The following PRSS12 variants were observed in gnomAD, a reference collection of about 807,000 sequenced individuals.
The protein encoded by PRSS12 is neurotrypsin.
PRSS12 carries 85 observed loss-of-function variants against 104.4 expected under a neutral mutation model. That is an observed-to-expected ratio of 0.81 (90% CI 0.68 to 0.98). The LOEUF (loss-of-function observed/expected upper bound fraction) is 0.98, where lower values mean the gene tolerates loss of function less well. Among genes scored for constraint, PRSS12 ranks in the 50% least tolerant of loss-of-function variants. The pLI is 0.00. For missense variants in PRSS12, 1,141 were observed against 1,139.2 expected (o/e 1.00, Z -0.02); for synonymous variants, 454 against 425.2 (o/e 1.07, Z -0.83).
At position 118,315,312 on chromosome 4, in the gene PRSS12, T is replaced by C. The variant is rs564659510; in HGVS notation, c.1292+870A>G. Among the ~76,000 whole-genome samples the C allele has an allele frequency of 8.5e-5, 13 of 152,194 alleles. No homozygotes were observed. The South Asian group carries it at 1.5e-3, about 17-fold the overall frequency. On this transcript the variant is annotated intron_variant, in intron 6 of 12. Coordinates refer to ENST00000296498, the MANE Select transcript of PRSS12 (RefSeq NM_003619.4). The stretch of plus-strand genomic sequence containing the variant: ...ATAATGATAGCATAAGGATAAAAAA[T>C]TATGGAGTTTTTTATTTTCATCATT...
intron 11 of PRSS12, among the ~76,000 whole-genome samples, chr4:118,287,284 C>T (rs1743035951): frequency 6.6e-6 from 1 of 152,088 alleles, no homozygotes. Flanking sequence ...CAGCCGGGAC[C>T]ACAAGTGCAT....
At chr4:118,292,192 T>A (rs192834835) in intron 11 of PRSS12, among the ~76,000 whole-genome samples, 34 of 152,282 alleles carry the variant, frequency 2.2e-4, no homozygotes, top group Non-Finnish European at 1.2e-4. Context: ...AAAAATATAA[T>A]CAATTTACCA....
intron 4 of PRSS12, among the ~76,000 whole-genome samples, chr4:118,324,143 G>T (rs557751549): frequency 6.6e-6 from 1 of 151,884 alleles, no homozygotes. Flanking sequence ...CAAGCAATCT[G>T]CCCACCTCAG....
In PRSS12 at chr4:118,280,973, C is replaced by A. The variant is rs1742831824; in HGVS notation, c.*963G>T. ...ATGCAGTGCCTGGCATATGTTATAA[C>A]TGCTGTATGTATTAGAACTTTTCAA... is the stretch of plus-strand genomic sequence containing the variant. On this transcript the variant is annotated 3_prime_UTR_variant, in exon 13 of 13. Coordinates refer to ENST00000296498, the MANE Select transcript of PRSS12 (RefSeq NM_003619.4). 6.6e-6 allele frequency: 1 copy of A among 152,206 alleles called. No individual in the cohort carries two copies. The highest frequency in any genetic ancestry group is 2.4e-5 in the African/African-American group (1 of 41,444). The allele number at this position is 152,206 out of a possible 1,614,324, so 9.4% of individuals were successfully genotyped here.
At chr4:118,319,817 A>G (rs927362750) in intron 4 of PRSS12, among the ~76,000 whole-genome samples, 2 of 152,030 alleles carry the variant, frequency 1.3e-5, no homozygotes, top group Admixed American at 6.6e-5. Flanking sequence ...ATCTGGGACT[A>G]TAAGTGCATA....
intron 4 of PRSS12, among the ~76,000 whole-genome samples, chr4:118,330,709 A>C (rs780701970): frequency 1.6e-4 from 24 of 152,362 alleles, no homozygotes; most frequent in Non-Finnish European, 3.1e-4. Context: ...TAGTTGTGAT[A>C]ATGATAATTT....
chr4:118,292,953 T>G (rs1409002960), intron 11 of PRSS12, among the ~76,000 whole-genome samples: 1 of 151,844 alleles, frequency 6.6e-6, no homozygotes, highest in African/African-American at 2.4e-5. Flanking sequence ...GGGCAGAGGC[T>G]GCAGTAAGCC....
intron 2 of PRSS12, among the ~76,000 whole-genome samples, chr4:118,336,110 A>G (rs559828245): frequency 6.6e-6 from 1 of 152,224 alleles, no homozygotes; most frequent in Non-Finnish European, 1.5e-5. Context: ...TGACTCTAAC[A>G]TTCTAGGCTA....
chr4:118,334,191 A>T, intron 3 of PRSS12, among the ~76,000 whole-genome samples: 1 of 152,204 alleles, frequency 6.6e-6, no homozygotes, highest in East Asian at 1.9e-4. Flanking sequence ...CTTCTAATTT[A>T]TCATAACTTT....
In PRSS12 at chr4:118,320,504, C is replaced by T. The variant is rs139329037; in HGVS notation, c.972-1948G>A. On this transcript the variant is annotated intron_variant, in intron 4 of 12. Transcript: ENST00000296498. ...CAGTGGCTCACGCCTGTAATCCCAG[C>T]ACTTTGGGAAGCCAAGGTGGGTGGA... Among the ~76,000 whole-genome samples, 11 of 152,282 alleles carry T rather than the reference C, an allele frequency of 7.2e-5. No individual in the cohort carries two copies. In the East Asian group the frequency reaches 2.1e-3, roughly 29 times the overall value.
At chr4:118,314,498 C>T (rs940978790) in intron 6 of PRSS12, among the ~76,000 whole-genome samples, 1 of 152,048 alleles carries the variant, frequency 6.6e-6, no homozygotes, top group South Asian at 2.1e-4. Context: ...CATTTTTTCA[C>T]GAAATACATT....
chr4:118,342,274 T>C (rs1724234382), intron 1 of PRSS12, among the ~76,000 whole-genome samples: 1 of 152,222 alleles, frequency 6.6e-6, no homozygotes, highest in Non-Finnish European at 1.5e-5. Flanking sequence ...ATAAAGTGAT[T>C]TGCATAAATT....
chr4:118,325,446 C>A (rs944152863), intron 4 of PRSS12, among the ~76,000 whole-genome samples: 16 of 151,400 alleles, frequency 1.1e-4, no homozygotes, highest in African/African-American at 3.6e-4. Flanking sequence ...GCAGAATAAA[C>A]TTGAGAACAA....
chr4:118,283,871 T>A (rs1419071461), intron 11 of PRSS12, among the ~76,000 whole-genome samples: 1 of 152,224 alleles, frequency 6.6e-6, no homozygotes, highest in Admixed American at 6.5e-5. Context: ...AGGTCAGAGA[T>A]ATCTTTGTTG....
intron 7 of PRSS12, among the ~76,000 whole-genome samples, chr4:118,310,312 T>C (rs1444100109): frequency 1.3e-5 from 2 of 152,226 alleles, no homozygotes; most frequent in African/African-American, 2.4e-5. Context: ...TGTTCCATTC[T>C]GGTAGTTTTA....
chr4:118,336,673 C>CTAA (rs1482256197), intron 2 of PRSS12, among the ~76,000 whole-genome samples: 1 of 152,166 alleles, frequency 6.6e-6, no homozygotes, highest in Non-Finnish European at 1.5e-5. Context: ...AATCAAAAGA[C>CTAA]TAATAAACCA....
At chr4:118,283,540 C>T (rs1346874225) in intron 11 of PRSS12, among the ~76,000 whole-genome samples, 1 of 152,208 alleles carries the variant, frequency 6.6e-6, no homozygotes, top group Non-Finnish European at 1.5e-5. Flanking sequence ...CAATCGACTT[C>T]ACTCTTGCAA....
intron 2 of PRSS12, among the ~76,000 whole-genome samples, chr4:118,337,502 G>A (rs769220829): frequency 8.5e-5 from 13 of 152,220 alleles, no homozygotes; most frequent in African/African-American, 1.4e-4. Context: ...CTGACTTGTC[G>A]TAAAGACAGT....
At chr4:118,341,430 C>T (rs1724205195) in intron 1 of PRSS12, among the ~76,000 whole-genome samples, 1 of 152,136 alleles carries the variant, frequency 6.6e-6, no homozygotes, top group Admixed American at 6.5e-5. Context: ...CGCCTGTAAT[C>T]CCAGCACTTT....
Sources: allele counts gnomAD v4.1 joint callset (sites outside exome capture counted in the v4.1 genomes callset), GRCh38; gene constraint gnomAD v4.1.1; transcripts MANE v1.5; gene names NCBI Gene and HGNC (gene_info 2026-07-23, HGNC 2026-07-21).